CCDC144A: variants seen among roughly 807,000 people sequenced by gnomAD.
The protein encoded by CCDC144A is coiled-coil domain containing 144A.
In CCDC144A, 41 loss-of-function variants were observed where a neutral mutation model predicts 143.8. The observed-to-expected ratio is 0.29, with a 90% CI of 0.22 to 0.37. CCDC144A has a LOEUF of 0.37. Among genes scored for constraint, CCDC144A ranks in the 10% least tolerant of loss-of-function variants. The pLI is 1.00. For synonymous variants in CCDC144A, 242 were observed against 517.9 expected, an observed-to-expected ratio of 0.47 and a Z score of 7.23; for missense variants, 637 against 1,488.8, an observed-to-expected ratio of 0.43 and a Z score of 9.41.
At chr17:16,686,747 A>AACACACACAC (rs142329474), upstream of CCDC144A, among the ~76,000 whole-genome samples, 312 of 140,486 alleles carry the variant, frequency 2.2e-3, 1 homozygote, top group African/African-American at 6.8e-3. Context: ...CACACACACA[A>AACACACACAC]ACACACACAC....
At chr17:16,703,829 C>A (rs74673220) in intron 2 of CCDC144A, among the ~76,000 whole-genome samples, 3 of 151,986 alleles carry the variant, frequency 2.0e-5, no homozygotes, top group Non-Finnish European at 2.9e-5. Flanking sequence ...AACAAAAAAA[C>A]ACAAGCACGC....
chr17:16,717,606 C>A (rs1912850817), intron 6 of CCDC144A, among the ~76,000 whole-genome samples: 2 of 152,138 alleles, frequency 1.3e-5, no homozygotes, highest in South Asian at 2.1e-4. Flanking sequence ...TTCTGTAATG[C>A]CTTCCTTGTG....
the CCDC144A span, among the ~76,000 whole-genome samples, chr17:16,680,932 A>C: frequency 6.6e-6 from 1 of 152,060 alleles, no homozygotes; most frequent in African/African-American, 2.4e-5. Context: ...ATGAGTTGAG[A>C]GTAGGAAATC....
At chr17:16,694,361 G>A (rs889159465) in intron 2 of CCDC144A, among the ~76,000 whole-genome samples, 27 of 152,314 alleles carry the variant, frequency 1.8e-4, no homozygotes, top group Middle Eastern at 3.4e-3. Flanking sequence ...TGGGAGGATC[G>A]CCTGTGTCCA....
intron 6 of CCDC144A, among the ~76,000 whole-genome samples, chr17:16,719,835 T>C (rs548001019): frequency 1.6e-3 from 251 of 152,242 alleles, no homozygotes; most frequent in African/African-American, 5.5e-3. Context: ...AAAAGCTTGT[T>C]TTTATTGAAA....
chr17:16,696,875 C>T (rs1193962078), intron 2 of CCDC144A, among the ~76,000 whole-genome samples: 6 of 151,420 alleles, frequency 4.0e-5, no homozygotes, highest in Admixed American at 1.3e-4. Flanking sequence ...ATGGTCTCAC[C>T]GACAATATCT....
intron 4 of CCDC144A, 190 bp from the exon 5 acceptor site, chr17:16,708,606 A>G: frequency 2.9e-6 from 2 of 685,978 alleles, no homozygotes; most frequent in East Asian, 3.2e-5. Context: ...GTTACAAGCC[A>G]GTGATTTGGG....
chr17:16,719,992 T>G (rs1912994865), intron 6 of CCDC144A, among the ~76,000 whole-genome samples: 1 of 152,184 alleles, frequency 6.6e-6, no homozygotes, highest in South Asian at 2.1e-4. Flanking sequence ...TCTTTATCCC[T>G]TAATGTTGCT....
intron 4 of CCDC144A, among the ~76,000 whole-genome samples, chr17:16,708,301 T>G (rs534103428): frequency 6.6e-6 from 1 of 152,256 alleles, no homozygotes; most frequent in Non-Finnish European, 1.5e-5. Flanking sequence ...TGGTGTTGAT[T>G]CGGGCTCCTA....
the CCDC144A span, among the ~76,000 whole-genome samples, chr17:16,684,418 G>A: frequency 3.3e-5 from 5 of 152,314 alleles, no homozygotes; most frequent in East Asian, 7.7e-4. Flanking sequence ...CACTTTGGGA[G>A]GCTGAGGTGG....
intron 6 of CCDC144A, among the ~76,000 whole-genome samples, chr17:16,716,975 G>A (rs74377420): frequency 2.0e-5 from 3 of 151,082 alleles, no homozygotes; most frequent in Non-Finnish European, 2.9e-5. Context: ...CACCGCACAC[G>A]GCTAATTTTT....
intron 12 of CCDC144A, among the ~76,000 whole-genome samples, chr17:16,754,493 CTTAAT>C (rs1440596899): frequency 6.6e-6 from 1 of 151,882 alleles, no homozygotes; most frequent in Non-Finnish European, 1.5e-5. Flanking sequence ...AATTTTTTTT[CTTAAT>C]TTATTGATTG....
chr17:16,741,449 G>A (rs1354670429), intron 12 of CCDC144A, among the ~76,000 whole-genome samples: 1 of 152,184 alleles, frequency 6.6e-6, no homozygotes, highest in Non-Finnish European at 1.5e-5. Context: ...TCACAGCATG[G>A]GGGCTGGGGT....
At chr17:16,737,402 G>A in intron 12 of CCDC144A, 1 of 925,488 alleles carries the variant, frequency 1.1e-6, no homozygotes, top group Non-Finnish European at 1.4e-6. Flanking sequence ...TCCTGACCTC[G>A]TGATCCGCCC....
Position 16,738,804 on chromosome 17 carries a change from T to C in CCDC144A, c.3372+3161T>C, listed in dbSNP as rs371092833. Among the ~76,000 whole-genome samples, 24 of 152,314 alleles carry C rather than the reference T, an allele frequency of 1.6e-4. No individual in the cohort carries two copies. The East Asian group carries it at 2.9e-3, about 18-fold the overall frequency. ...TATGTATTCCTTTCTCTTGGGTATA[T>C]ACATATGAGTTGAATTTCTGGGTCA... On this transcript the variant is annotated intron_variant, in intron 12 of 16. Coordinates refer to ENST00000399273, the MANE Select transcript of CCDC144A (RefSeq NM_001382000.1).
In CCDC144A at chr17:16,732,605, A is replaced by G; in HGVS notation, c.2357A>G (p.Asp786Gly). 6.2e-7 allele frequency: 1 copy of G among 1,611,612 alleles called. No homozygotes were observed. Among genetic ancestry groups the G allele is most frequent in the South Asian group, 1.1e-5 (1 of 90,282 alleles). ...GAACAGGATGCCAGAATATTACAAG[A>G]TCAGATTCTGACGAGTAAACAAAAG... ...SEEQDARILQ[D>G]QILTSKQKEL... Residue 786 changes from aspartate to glycine, a missense_variant, in exon 11 of 17, where the codon GAT (aspartate) becomes GGT (glycine). Physicochemically the swap from Asp to Gly is moderately conservative, Grantham distance 94. Transcript: ENST00000399273.
chr17:16,678,642 G>A, the CCDC144A span, among the ~76,000 whole-genome samples: 1 of 144,654 alleles, frequency 6.9e-6, no homozygotes, highest in African/African-American at 2.6e-5. Flanking sequence ...GTGCAGTGGT[G>A]TGATCACAGC....
At chr17:16,723,612 T>G (rs183064293) in intron 8 of CCDC144A, among the ~76,000 whole-genome samples, 3,506 of 151,428 alleles carry the variant, frequency 0.023, 130 homozygotes, top group African/African-American at 0.081. Flanking sequence ...GTCTGGTGAG[T>G]GACCAATTCC....
At chr17:16,708,053 A>G (rs1912158626) in intron 4 of CCDC144A, among the ~76,000 whole-genome samples, 1 of 152,112 alleles carries the variant, frequency 6.6e-6, no homozygotes, top group African/African-American at 2.4e-5. Context: ...CCAACTGCCT[A>G]TTAAGGGAAT....
Sources: gnomAD v4.1 joint callset for allele counts (sites outside exome capture counted in the v4.1 genomes callset) on GRCh38, gnomAD v4.1.1 for gene constraint, MANE v1.5 for transcripts, NCBI Gene and HGNC (gene_info 2026-07-23, HGNC 2026-07-21) for gene names.